AOPEP: variants seen among roughly 807,000 people sequenced by gnomAD.
AOPEP encodes the protein aminopeptidase O.
In AOPEP, 77 loss-of-function variants were observed where a neutral mutation model predicts 98.1. The ratio of observed to expected loss-of-function variants is 0.78; its 90% CI spans 0.65 to 0.95. The LOEUF is 0.95. Ranked by LOEUF, AOPEP falls within the 40% of genes least tolerant of loss-of-function variation. The pLI is 0.00. For missense variants in AOPEP, 1,024 were observed against 1,024.7 expected, an observed-to-expected ratio of 1.00 and a Z score of 0.01; for synonymous variants, 346 against 365.3, an observed-to-expected ratio of 0.95 and a Z score of 0.60.
chr9:95,031,808 A>G (rs2064330437), intron 13 of AOPEP, among the ~76,000 whole-genome samples: 1 of 152,202 alleles, frequency 6.6e-6, no homozygotes, highest in Admixed American at 6.5e-5. Context: ...ACAAGCGAAC[A>G]CTGTTTGCTC....
At chr9:94,885,392 A>G (rs1253540412) in intron 5 of AOPEP, among the ~76,000 whole-genome samples, 2 of 122,820 alleles carry the variant, frequency 1.6e-5, no homozygotes, top group Non-Finnish European at 3.4e-5. Context: ...AAAAAAAAAG[A>G]CATTGTGCTA....
At chr9:95,124,026 C>CT in the AOPEP span, among the ~76,000 whole-genome samples, 1 of 143,692 alleles carries the variant, frequency 7.0e-6, no homozygotes, top group African/African-American at 2.6e-5. Context: ...ATCACCTGAG[C>CT]TTGGGGGGTT....
intron 7 of AOPEP, among the ~76,000 whole-genome samples, chr9:94,931,429 A>G (rs1009841280): frequency 6.6e-6 from 1 of 152,178 alleles, no homozygotes; most frequent in African/African-American, 2.4e-5. Context: ...TACAATGAGG[A>G]GGAAATGTTT....
the AOPEP span, among the ~76,000 whole-genome samples, chr9:95,144,986 G>A: frequency 6.6e-6 from 1 of 152,110 alleles, no homozygotes. Context: ...TAGAAAAAAG[G>A]CCATTTTATT....
the AOPEP span, among the ~76,000 whole-genome samples, chr9:95,105,485 G>A: frequency 6.6e-6 from 1 of 152,230 alleles, no homozygotes; most frequent in Non-Finnish European, 1.5e-5. Flanking sequence ...CAGCATGCTG[G>A]TGCTTTTTCT....
At chr9:94,992,894 G>A (rs1589194492) in intron 11 of AOPEP, among the ~76,000 whole-genome samples, 1 of 152,322 alleles carries the variant, frequency 6.6e-6, no homozygotes, top group South Asian at 2.1e-4. Flanking sequence ...CCCTTAGCTT[G>A]GACTGGTATT....
At chr9:94,933,972 T>C (rs1233418774) in intron 7 of AOPEP, among the ~76,000 whole-genome samples, 3 of 152,100 alleles carry the variant, frequency 2.0e-5, no homozygotes, top group Non-Finnish European at 2.9e-5. Context: ...ATGGTCTTGA[T>C]CTCCTGACCT....
chr9:94,746,401 A>G (rs996239244), intron 1 of AOPEP, among the ~76,000 whole-genome samples: 1 of 152,132 alleles, frequency 6.6e-6, no homozygotes, highest in Non-Finnish European at 1.5e-5. Flanking sequence ...TCTTTCCAGT[A>G]CCTTGATTGT....
chr9:95,007,196 T>C (rs2062095238), intron 13 of AOPEP, among the ~76,000 whole-genome samples: 1 of 152,134 alleles, frequency 6.6e-6, no homozygotes, highest in African/African-American at 2.4e-5. Context: ...CACTGCACCC[T>C]GCCAGCTGTT....
chr9:94,804,300 G>A (rs940393823), intron 5 of AOPEP, among the ~76,000 whole-genome samples: 1 of 152,204 alleles, frequency 6.6e-6, no homozygotes. Context: ...TCTCTCAGCA[G>A]TTCACAATTA....
chr9:94,734,763 C>G (rs1831354235), intron 1 of AOPEP, among the ~76,000 whole-genome samples: 2 of 152,158 alleles, frequency 1.3e-5, no homozygotes, highest in African/African-American at 4.8e-5. Flanking sequence ...ATTGTAGTGG[C>G]AAAGTCAAAA....
intron 7 of AOPEP, among the ~76,000 whole-genome samples, chr9:94,944,191 T>C (rs72750327): frequency 0.012 from 1,828 of 152,296 alleles, 33 homozygotes; most frequent in East Asian, 0.043. Context: ...AACAGCCTGG[T>C]GGTTCCTCAA....
At chr9:95,059,931 C>T (rs1411387962) in intron 13 of AOPEP, among the ~76,000 whole-genome samples, 5 of 152,232 alleles carry the variant, frequency 3.3e-5, no homozygotes, top group East Asian at 1.9e-4. Flanking sequence ...TGTTGCATAG[C>T]GAGTAACACG....
intron 16 of AOPEP, chr9:95,085,653 A>C (rs994638930): frequency 2.2e-5 from 8 of 362,520 alleles, no homozygotes; most frequent in Middle Eastern, 9.6e-4. Context: ...ATGAGAGACC[A>C]CTTGACCCCA....
chr9:94,956,051 A>T (rs776875427), intron 9 of AOPEP, 36 bp downstream of exon 9: 1 of 1,232,576 alleles, frequency 8.1e-7, no homozygotes, highest in East Asian at 2.3e-5. Context: ...ATGATGTATG[A>T]CTGGAGGGGG....
intron 5 of AOPEP, among the ~76,000 whole-genome samples, chr9:94,857,306 T>G (rs1395920753): frequency 2.0e-5 from 3 of 152,234 alleles, no homozygotes; most frequent in African/African-American, 7.2e-5. Flanking sequence ...CAACCATGTT[T>G]TAACTGCTGC....
At chr9:95,107,108 C>G in the AOPEP span, 1 of 1,614,178 alleles carries the variant, frequency 6.2e-7, no homozygotes, top group South Asian at 1.1e-5. Flanking sequence ...CTCCAGGAGC[C>G]CAGAGCAGGA....
intron 14 of AOPEP, among the ~76,000 whole-genome samples, chr9:95,078,948 ACT>A (rs1357367589): frequency 6.6e-6 from 1 of 151,642 alleles, no homozygotes. Context: ...AGGTGGAGGG[ACT>A]CTTTCTTGTA....
intron 3 of AOPEP, among the ~76,000 whole-genome samples, chr9:94,777,053 G>T (rs1201109063): frequency 4.0e-5 from 6 of 150,584 alleles, no homozygotes; most frequent in Non-Finnish European, 1.5e-5. Context: ...ATTTTTATTT[G>T]TAGCAGCCCT....
Sources: allele counts gnomAD v4.1 joint callset (sites outside exome capture counted in the v4.1 genomes callset), GRCh38; gene constraint gnomAD v4.1.1; transcripts MANE v1.5; gene names NCBI Gene and HGNC (gene_info 2026-07-23, HGNC 2026-07-21).